The following SPIRE1 variants were observed in gnomAD, a reference collection of about 807,000 sequenced individuals.
SPIRE1 encodes the protein spire type actin nucleation factor 1.
Under a neutral mutation model 94.1 loss-of-function variants are expected in SPIRE1, and 40 were observed. The ratio of observed to expected loss-of-function variants is 0.43; its 90% CI spans 0.33 to 0.55. SPIRE1 has a LOEUF of 0.55. Ranked by LOEUF, SPIRE1 falls within the 20% of genes least tolerant of loss-of-function variation. The pLI is 0.06. For missense variants in SPIRE1, 838 were observed against 975.2 expected (o/e 0.86, Z 1.87); for synonymous variants, 376 against 371.7 (o/e 1.01, Z -0.13).
intron 2 of SPIRE1, among the ~76,000 whole-genome samples, chr18:12,622,443 GAC>G (rs1358538217): frequency 2.0e-4 from 7 of 35,038 alleles, no homozygotes; most frequent in Non-Finnish European, 7.2e-4. Context: ...TTTTTTTTGA[GAC>G]AGAGTCTTGC....
At chr18:12,634,065 G>A (rs1045351693) in intron 2 of SPIRE1, among the ~76,000 whole-genome samples, 51 of 151,952 alleles carry the variant, frequency 3.4e-4, no homozygotes, top group African/African-American at 1.2e-3. Flanking sequence ...TGGCTAACAC[G>A]GTGAAACCCT....
At chr18:12,533,983 T>TCAC (rs936062587) in intron 4 of SPIRE1, among the ~76,000 whole-genome samples, 6 of 150,942 alleles carry the variant, frequency 4.0e-5, no homozygotes, top group African/African-American at 1.5e-4. Flanking sequence ...TATTTATTCT[T>TCAC]CACAGAGGGT....
In SPIRE1 at chr18:12,447,780, G is replaced by A. The variant is rs1054781793; in HGVS notation, c.*1858C>T. 1.3e-5 allele frequency: 2 copies of A among 152,118 alleles called. No homozygotes were observed. Among genetic ancestry groups the A allele is most frequent in the Non-Finnish European group, 2.9e-5 (2 of 68,020 alleles). 9.4% of individuals were successfully genotyped at this position (152,118 alleles called of 1,614,324 possible). ...TTCTTATGTTTTAATAAAAACAGTAGTCATTATTTTAAAAAGCACATTCTC... is the reference window on the plus strand; with the variant it reads ...TTCTTATGTTTTAATAAAAACAGTAATCATTATTTTAAAAAGCACATTCTC... On this transcript the variant is annotated 3_prime_UTR_variant, in exon 17 of 17. Transcript: ENST00000409402.
intron 2 of SPIRE1, among the ~76,000 whole-genome samples, chr18:12,619,911 C>G (rs1445572005): frequency 6.6e-6 from 1 of 150,746 alleles, no homozygotes; most frequent in African/African-American, 2.4e-5. Flanking sequence ...GTAATGGTAT[C>G]TCTATTCACA....
intron 2 of SPIRE1, among the ~76,000 whole-genome samples, chr18:12,555,801 T>C (rs2035487054): frequency 6.6e-6 from 1 of 152,192 alleles, no homozygotes; most frequent in South Asian, 2.1e-4. Context: ...TTCAACACAG[T>C]ACTGGAAGTC....
At chr18:12,526,387 A>G (rs2144133467) in intron 4 of SPIRE1, among the ~76,000 whole-genome samples, 1 of 152,254 alleles carries the variant, frequency 6.6e-6, no homozygotes, top group African/African-American at 2.4e-5. Context: ...GAAGCTGTGC[A>G]TGGTCCCTTT....
intron 2 of SPIRE1, among the ~76,000 whole-genome samples, chr18:12,626,801 C>T (rs956604270): frequency 4.0e-5 from 6 of 150,156 alleles, no homozygotes; most frequent in Non-Finnish European, 8.9e-5. Context: ...ATAGGATCTA[C>T]TTCATACATT....
chr18:12,568,121 T>C (rs146692820), intron 2 of SPIRE1, among the ~76,000 whole-genome samples: 103 of 152,356 alleles, frequency 6.8e-4, no homozygotes, highest in African/African-American at 2.4e-3. Flanking sequence ...TACGTAGACG[T>C]AGAAGAGTGA....
intron 4 of SPIRE1, among the ~76,000 whole-genome samples, chr18:12,524,904 A>G (rs564246226): frequency 1.7e-4 from 26 of 152,192 alleles, no homozygotes; most frequent in African/African-American, 6.0e-4. Flanking sequence ...ACTTGAGCCC[A>G]GGAGCTAAAG....
chr18:12,574,922 G>A (rs1414669338), intron 2 of SPIRE1, among the ~76,000 whole-genome samples: 3 of 152,312 alleles, frequency 2.0e-5, no homozygotes, highest in East Asian at 1.9e-4. Flanking sequence ...AGAAGTAAGA[G>A]GAACTCTAGC....
chr18:12,561,541 C>T (rs914118829), intron 2 of SPIRE1, among the ~76,000 whole-genome samples: 1 of 152,232 alleles, frequency 6.6e-6, no homozygotes, highest in Non-Finnish European at 1.5e-5. Context: ...GCTGGGATTA[C>T]AGGCTTGAGC....
chr18:12,627,766 G>T (rs186764922), intron 2 of SPIRE1, among the ~76,000 whole-genome samples: 12 of 152,212 alleles, frequency 7.9e-5, no homozygotes, highest in African/African-American at 2.6e-4. Context: ...GTATGAGATG[G>T]TATCTCATTG....
intron 3 of SPIRE1, among the ~76,000 whole-genome samples, chr18:12,545,470 C>T (rs1402415734): frequency 6.6e-6 from 1 of 152,092 alleles, no homozygotes; most frequent in African/African-American, 2.4e-5. Context: ...CTCTGAAACA[C>T]CTTTATGAAA....
chr18:12,594,112 A>C (rs1462676190), intron 2 of SPIRE1, among the ~76,000 whole-genome samples: 2 of 152,226 alleles, frequency 1.3e-5, no homozygotes, highest in African/African-American at 4.8e-5. Context: ...CCCAGGTTTT[A>C]ACAAATGTGT....
At chr18:12,497,281 T>G (rs189339279) in intron 6 of SPIRE1, among the ~76,000 whole-genome samples, 111 of 152,346 alleles carry the variant, frequency 7.3e-4, no homozygotes, top group African/African-American at 2.4e-3. Context: ...CTCTTTTTAA[T>G]GCAATGTGTT....
At chr18:12,566,098 G>T (rs1182534408) in intron 2 of SPIRE1, among the ~76,000 whole-genome samples, 1 of 151,896 alleles carries the variant, frequency 6.6e-6, no homozygotes, top group Non-Finnish European at 1.5e-5. Context: ...CACTTTGGGA[G>T]GCCGAGGCTG....
chr18:12,531,236 C>A (rs1227765433), intron 4 of SPIRE1, among the ~76,000 whole-genome samples: 2 of 152,058 alleles, frequency 1.3e-5, no homozygotes, highest in Non-Finnish European at 2.9e-5. Context: ...ACATGGTACC[C>A]CCCCATCCCA....
intron 2 of SPIRE1, among the ~76,000 whole-genome samples, chr18:12,628,088 T>C (rs1411106623): frequency 1.3e-5 from 2 of 152,220 alleles, no homozygotes; most frequent in Non-Finnish European, 2.9e-5. Flanking sequence ...CTGGCTTTTG[T>C]TGCCATTGCT....
chr18:12,472,695 T>G (rs1392364676), intron 10 of SPIRE1, among the ~76,000 whole-genome samples: 1 of 151,570 alleles, frequency 6.6e-6, no homozygotes, highest in African/African-American at 2.4e-5. Context: ...GGACTTGCTC[T>G]GTCACCCAGG....
Sources: allele counts gnomAD v4.1 joint callset (sites outside exome capture counted in the v4.1 genomes callset), GRCh38; gene constraint gnomAD v4.1.1; transcripts MANE v1.5; gene names NCBI Gene and HGNC (gene_info 2026-07-23, HGNC 2026-07-21).